AP3B1: variants seen among roughly 807,000 people sequenced by gnomAD.
AP3B1 encodes AP-3 complex subunit beta-1.
Under a neutral mutation model 132.5 loss-of-function variants are expected in AP3B1, and 61 were observed. The observed-to-expected ratio is 0.46, with a 90% CI of 0.37 to 0.57. AP3B1 has a LOEUF of 0.57. AP3B1 is among the 20% of genes least tolerant of loss of function. The pLI, the probability that AP3B1 is intolerant of heterozygous loss-of-function variation, is 0.00. For missense variants in AP3B1, 1,120 were observed against 1,289.4 expected (o/e 0.87, Z 2.01); for synonymous variants, 388 against 438.3 (o/e 0.89, Z 1.43).
chr5:78,016,428 A>G (rs933453580), intron 25 of AP3B1, among the ~76,000 whole-genome samples: 8 of 152,076 alleles, frequency 5.3e-5, no homozygotes, highest in Non-Finnish European at 1.0e-4. Context: ...ATTAATTACA[A>G]CAAATGCCAT....
chr5:78,181,117 A>G (rs548092375), intron 8 of AP3B1, among the ~76,000 whole-genome samples: 1 of 152,118 alleles, frequency 6.6e-6, no homozygotes, highest in Non-Finnish European at 1.5e-5. Context: ...AATAACTGAT[A>G]AATATACATA....
intron 14 of AP3B1, among the ~76,000 whole-genome samples, chr5:78,141,650 G>A (rs1183073319): frequency 6.6e-6 from 1 of 152,146 alleles, no homozygotes; most frequent in Non-Finnish European, 1.5e-5. Context: ...ATCTGTTGCT[G>A]CTTTTGTGCT....
chr5:78,029,503 A>G (rs1167702202), intron 24 of AP3B1, among the ~76,000 whole-genome samples: 2 of 145,698 alleles, frequency 1.4e-5, no homozygotes, highest in Non-Finnish European at 1.5e-5. Context: ...TTTGTTTTTT[A>G]CCTGTTTAGT....
chr5:78,143,429 T>C (rs1170662752), intron 14 of AP3B1, among the ~76,000 whole-genome samples: 1 of 140,474 alleles, frequency 7.1e-6, no homozygotes, highest in East Asian at 1.9e-4. Flanking sequence ...GCTAATAAAA[T>C]CCCCAAGAAT....
chr5:78,133,070 T>C (rs926831939), intron 15 of AP3B1, among the ~76,000 whole-genome samples: 3 of 152,214 alleles, frequency 2.0e-5, no homozygotes, highest in African/African-American at 7.2e-5. Context: ...AACCTCTAAC[T>C]TCCCATGTTT....
intron 5 of AP3B1, 120 bp from the exon 6 acceptor site, chr5:78,225,728 T>A: frequency 1.6e-6 from 1 of 635,944 alleles, no homozygotes; most frequent in Non-Finnish European, 2.8e-6. Context: ...GAATTATAAG[T>A]TAGAAATAAA....
chr5:78,087,773 C>G, intron 22 of AP3B1: 1 of 786,038 alleles, frequency 1.3e-6, no homozygotes, highest in South Asian at 5.8e-5. Context: ...CTAATCTCAA[C>G]TGCTTTCTTC....
intron 14 of AP3B1, among the ~76,000 whole-genome samples, 199 bp downstream of exon 14, chr5:78,156,059 T>C (rs1743135466): frequency 6.6e-6 from 1 of 152,190 alleles, no homozygotes; most frequent in African/African-American, 2.4e-5. Context: ...TCCAATCTAA[T>C]ACCACGAGGC....
chr5:78,004,749 T>C (rs1305759503), intron 26 of AP3B1, among the ~76,000 whole-genome samples: 1 of 152,242 alleles, frequency 6.6e-6, no homozygotes, highest in Non-Finnish European at 1.5e-5. Context: ...TCTACAAGCA[T>C]GCTGAAAACT....
At chr5:78,006,075 GATA>G (rs1193752513) in intron 26 of AP3B1, among the ~76,000 whole-genome samples, 1 of 152,134 alleles carries the variant, frequency 6.6e-6, no homozygotes, top group Non-Finnish European at 1.5e-5. Flanking sequence ...CTATAATGAT[GATA>G]GCAGCTATCA....
At chr5:78,059,040 T>G (rs1164210182) in intron 22 of AP3B1, among the ~76,000 whole-genome samples, 2 of 152,250 alleles carry the variant, frequency 1.3e-5, no homozygotes, top group Non-Finnish European at 2.9e-5. Context: ...TAACATTATG[T>G]GGCAAAAGGG....
At chr5:78,174,212 A>G (rs1320060382) in intron 11 of AP3B1, among the ~76,000 whole-genome samples, 1 of 152,122 alleles carries the variant, frequency 6.6e-6, no homozygotes, top group Non-Finnish European at 1.5e-5. Flanking sequence ...TTCTCCATCC[A>G]GCGTTGTTCT....
chr5:78,257,443 C>A (rs947800194), intron 2 of AP3B1, among the ~76,000 whole-genome samples: 1 of 151,948 alleles, frequency 6.6e-6, no homozygotes, highest in African/African-American at 2.4e-5. Flanking sequence ...AAATTAAATA[C>A]CCAGGAATTA....
chr5:78,099,726 T>G (rs552595172), intron 21 of AP3B1, among the ~76,000 whole-genome samples: 1 of 151,830 alleles, frequency 6.6e-6, no homozygotes, highest in Non-Finnish European at 1.5e-5. Flanking sequence ...GAAACCCGCC[T>G]CTACTAAAAA....
chr5:78,121,755 C>T (rs1752211679), intron 17 of AP3B1: 1 of 152,230 alleles, frequency 6.6e-6, no homozygotes, highest in South Asian at 2.1e-4. Flanking sequence ...CAGCCGAATT[C>T]TACCAGAGGT....
chr5:78,039,190 A>C lies in AP3B1; in HGVS notation c.2662T>G (p.Phe888Val). Residue 888 changes from phenylalanine (F) to valine (V), a missense_variant, in exon 23 of 27, where the codon TTT (phenylalanine) becomes GTT (valine). Physicochemically the swap from Phe to Val is conservative, Grantham distance 50 (BLOSUM62 -1). Coordinates refer to ENST00000255194, the MANE Select transcript of AP3B1 (RefSeq NM_003664.5). Reference sequence around the variant, plus strand: ...CCAAAAATGCAAGGCTGTCTTGGAAAGAAATAATGGGCAGCTAGTCCTTTT... The same window carrying C: ...CCAAAAATGCAAGGCTGTCTTGGAACGAAATAATGGGCAGCTAGTCCTTTT... Reference protein sequence around the residue: ...SGKGLAAHYFFPRQPCIFGDK... With the variant: ...SGKGLAAHYFVPRQPCIFGDK... 1 of 1,614,210 alleles carries C rather than the reference A, an allele frequency of 6.2e-7. No individual in the cohort carries two copies.
intron 7 of AP3B1, among the ~76,000 whole-genome samples, chr5:78,193,856 G>A (rs901588880): frequency 2.0e-5 from 3 of 149,114 alleles, no homozygotes; most frequent in Admixed American, 6.8e-5. Context: ...CCGGGTTCAC[G>A]CCATTCTCCT....
chr5:78,120,988 A>C (rs189477424), intron 17 of AP3B1, among the ~76,000 whole-genome samples: 1 of 152,326 alleles, frequency 6.6e-6, no homozygotes, highest in African/African-American at 2.4e-5. Context: ...ATTATAACGA[A>C]CTGTCTCTCA....
intron 22 of AP3B1, among the ~76,000 whole-genome samples, chr5:78,039,557 C>A (rs1747963507): frequency 6.6e-6 from 1 of 151,986 alleles, no homozygotes; most frequent in South Asian, 2.1e-4. Flanking sequence ...GGGGAGATCA[C>A]GAGGTCAGGA....
Sources: gnomAD v4.1 joint callset for allele counts (sites outside exome capture counted in the v4.1 genomes callset) on GRCh38, gnomAD v4.1.1 for gene constraint, MANE v1.5 for transcripts, NCBI Gene and HGNC (gene_info 2026-07-23, HGNC 2026-07-21) for gene names.